Variants in SCGB2B2 observed in about 807,000 individuals in gnomAD.
The protein encoded by SCGB2B2 is secretoglobin-like protein.
SCGB2B2 carries 11 observed loss-of-function variants against 7.6 expected under a neutral mutation model. The observed-to-expected ratio is 1.45, with a 90% CI of 0.91 to 2.40. SCGB2B2 has a LOEUF of 2.40. SCGB2B2 is among the 30% of genes most tolerant of loss of function. The pLI, the probability that SCGB2B2 is intolerant of heterozygous loss-of-function variation, is 0.00. For synonymous variants in SCGB2B2, 50 were observed against 48.6 expected (o/e 1.03, Z -0.12); for missense variants, 104 against 115.4 (o/e 0.90, Z 0.45).
Position 34,592,046 on chromosome 19 carries a change from T to C in SCGB2B2, c.*1509A>G, listed in dbSNP as rs1004847442. On this transcript the variant is annotated 3_prime_UTR_variant, in exon 4 of 4. Transcript: ENST00000601241. ...CCTGGCTGAGTGGATGGGTGATGAC[T>C]GGGATGGAAAGTGCATTAAATGAGG... Among the ~76,000 whole-genome samples, 4 of 152,072 alleles carry C rather than the reference T, an allele frequency of 2.6e-5. No homozygotes were observed. The highest frequency in any genetic ancestry group is 9.7e-5 in the African/African-American group (4 of 41,406).
rs1230879499 is a variant in SCGB2B2, at chr19:34,592,368, G to T, written c.*1187C>A. 6.6e-6 allele frequency among the ~76,000 whole-genome samples: 1 copy of T among 151,640 alleles called. No individual in the cohort carries two copies. Among genetic ancestry groups the T allele is most frequent in the Non-Finnish European group, 1.5e-5 (1 of 67,842 alleles). On this transcript the variant is annotated 3_prime_UTR_variant, in exon 4 of 4. Transcript: ENST00000601241. Reference sequence around the variant, plus strand: ...TCCAGGGAGAAAGAAGATCCAGGCTGGTATTCCCATGGAAGGGGAGTGAGG... The same window carrying T: ...TCCAGGGAGAAAGAAGATCCAGGCTTGTATTCCCATGGAAGGGGAGTGAGG...
intron 1 of SCGB2B2, among the ~76,000 whole-genome samples, chr19:34,660,757 A>C (rs1412986585): frequency 2.0e-5 from 3 of 152,252 alleles, no homozygotes; most frequent in African/African-American, 7.2e-5. Context: ...CATTTGACCC[A>C]GCGATCCCTT....
chr19:34,602,342 G>A (rs534834436), intron 1 of SCGB2B2, among the ~76,000 whole-genome samples: 2 of 152,214 alleles, frequency 1.3e-5, no homozygotes, highest in South Asian at 4.1e-4. Context: ...CATTGACTTT[G>A]CTAATATATT....
At chr19:34,612,784 G>GTCTA (rs373506937) in intron 1 of SCGB2B2, among the ~76,000 whole-genome samples, 40 of 152,132 alleles carry the variant, frequency 2.6e-4, no homozygotes, top group African/African-American at 9.2e-4. Context: ...TTGTATTGGA[G>GTCTA]TCTATCTCTC....
At chr19:34,654,146 CT>C (rs2067228960) in intron 1 of SCGB2B2, among the ~76,000 whole-genome samples, 2 of 151,030 alleles carry the variant, frequency 1.3e-5, no homozygotes, top group African/African-American at 4.9e-5. Context: ...GACAAACATA[CT>C]TGTTATATGT....
At chr19:34,628,535 T>A (rs1038259595) in intron 1 of SCGB2B2, among the ~76,000 whole-genome samples, 1 of 152,000 alleles carries the variant, frequency 6.6e-6, no homozygotes, top group Non-Finnish European at 1.5e-5. Flanking sequence ...GATAAATTCC[T>A]GGACACATAC....
intron 1 of SCGB2B2, among the ~76,000 whole-genome samples, chr19:34,625,304 G>C (rs1457446032): frequency 6.6e-6 from 1 of 152,230 alleles, no homozygotes; most frequent in Non-Finnish European, 1.5e-5. Flanking sequence ...CCGAGTGTGA[G>C]ACGAAGCAGG....
At chr19:34,602,422 A>T (rs2065651871) in intron 1 of SCGB2B2, among the ~76,000 whole-genome samples, 1 of 152,214 alleles carries the variant, frequency 6.6e-6, no homozygotes, top group African/African-American at 2.4e-5. Context: ...GCCTCATTAA[A>T]TGAATCAGGG....
At chr19:34,642,172 T>C (rs997395168) in intron 1 of SCGB2B2, among the ~76,000 whole-genome samples, 2 of 152,182 alleles carry the variant, frequency 1.3e-5, no homozygotes, top group Admixed American at 6.5e-5. Flanking sequence ...CGATAAAAGA[T>C]CAGTTCTGTC....
intron 1 of SCGB2B2, among the ~76,000 whole-genome samples, chr19:34,599,578 G>A (rs998888319): frequency 2.6e-5 from 4 of 152,138 alleles, no homozygotes; most frequent in Non-Finnish European, 4.4e-5. Context: ...TGAGAACAGT[G>A]TGGGGAAAAT....
chr19:34,652,376 A>C (rs1410309317), intron 1 of SCGB2B2, among the ~76,000 whole-genome samples: 1 of 151,314 alleles, frequency 6.6e-6, no homozygotes, highest in Non-Finnish European at 1.5e-5. Context: ...TGGCCAAAAA[A>C]ATTGTAAACT....
intron 1 of SCGB2B2, among the ~76,000 whole-genome samples, chr19:34,664,323 T>G (rs189335346): frequency 6.6e-6 from 1 of 152,118 alleles, no homozygotes; most frequent in Non-Finnish European, 1.5e-5. Context: ...TGTGGCCAGG[T>G]GCCCAGAAAT....
At chr19:34,644,559 C>G (rs2146030606) in intron 1 of SCGB2B2, among the ~76,000 whole-genome samples, 1 of 152,174 alleles carries the variant, frequency 6.6e-6, no homozygotes, top group Non-Finnish European at 1.5e-5. Flanking sequence ...TCTGCCCTGC[C>G]CCCTTGTAAC....
chr19:34,625,118 A>C (rs10418694), intron 1 of SCGB2B2, among the ~76,000 whole-genome samples: 48,040 of 152,086 alleles, frequency 0.32, 8,427 homozygotes, highest in Middle Eastern at 0.47. Context: ...CAAAACCCTT[A>C]ATATTATAAA....
At chr19:34,631,427 C>T (rs1286216958) in intron 1 of SCGB2B2, among the ~76,000 whole-genome samples, 1 of 151,602 alleles carries the variant, frequency 6.6e-6, no homozygotes, top group Non-Finnish European at 1.5e-5. Flanking sequence ...AAAGATTGGA[C>T]ACCTCTGGTT....
intron 1 of SCGB2B2, among the ~76,000 whole-genome samples, chr19:34,611,879 T>G (rs890381306): frequency 1.7e-4 from 26 of 152,066 alleles, no homozygotes; most frequent in African/African-American, 6.0e-4. Context: ...GGTCTTGAAC[T>G]CCTGACCTCG....
chr19:34,631,943 G>A (rs553908431), intron 1 of SCGB2B2: 1 of 152,242 alleles, frequency 6.6e-6, no homozygotes, highest in South Asian at 2.1e-4. Flanking sequence ...GATTAAGGAA[G>A]TGCAGAAATA....
At chr19:34,629,337 T>A (rs1600055642) in intron 1 of SCGB2B2, among the ~76,000 whole-genome samples, 1 of 151,980 alleles carries the variant, frequency 6.6e-6, no homozygotes, top group Non-Finnish European at 1.5e-5. Flanking sequence ...ATTGCCCCTG[T>A]TTGCAGATGA....
At chr19:34,652,904 C>G (rs919520711) in intron 1 of SCGB2B2, among the ~76,000 whole-genome samples, 11 of 151,380 alleles carry the variant, frequency 7.3e-5, no homozygotes, top group Non-Finnish European at 1.5e-4. Flanking sequence ...TATCTGCACT[C>G]TCATGTTTAT....
Sources: allele counts gnomAD v4.1 joint callset (sites outside exome capture counted in the v4.1 genomes callset), GRCh38; gene constraint gnomAD v4.1.1; transcripts MANE v1.5; gene names NCBI Gene and HGNC (gene_info 2026-07-23, HGNC 2026-07-21).